The following NTRK2 variants were observed in gnomAD, a reference collection of about 807,000 sequenced individuals.
NTRK2 encodes neurotrophic receptor tyrosine kinase 2.
In NTRK2, 13 loss-of-function variants were observed where a neutral mutation model predicts 94.5. That is an observed-to-expected ratio of 0.14 (90% CI 0.09 to 0.22). The LOEUF (loss-of-function observed/expected upper bound fraction) is 0.22. NTRK2 is among the 10% of genes least tolerant of loss of function. NTRK2 has a pLI of 1.00. For synonymous variants in NTRK2, 372 were observed against 407.4 expected (o/e 0.91, Z 1.05); for missense variants, 639 against 1,071.2 (o/e 0.60, Z 5.63).
chr9:84,774,556 A>T (rs1248025114), intron 12 of NTRK2, among the ~76,000 whole-genome samples: 2 of 152,192 alleles, frequency 1.3e-5, no homozygotes, highest in African/African-American at 4.8e-5. Context: ...GCTCATTTCC[A>T]GAATCCAAAA....
At chr9:84,860,977 T>C in intron 12 of NTRK2, 63 bp from the exon 13 acceptor site, 2 of 1,310,286 alleles carry the variant, frequency 1.5e-6, no homozygotes, top group Non-Finnish European at 2.2e-6. Flanking sequence ...AAGGACAGTG[T>C]TGACCACCTC....
chr9:84,996,723 G>T (rs2133366627), intron 17 of NTRK2, among the ~76,000 whole-genome samples: 1 of 152,302 alleles, frequency 6.6e-6, no homozygotes, highest in African/African-American at 2.4e-5. Context: ...TGCCAAGTCT[G>T]CCATCTATAT....
chr9:84,919,888 T>C (rs2077509247), intron 14 of NTRK2, among the ~76,000 whole-genome samples: 2 of 152,170 alleles, frequency 1.3e-5, no homozygotes. Context: ...TTATTCCCAC[T>C]TTGCACCTAG....
At chr9:84,979,965 A>T in intron 17 of NTRK2, among the ~76,000 whole-genome samples, 2 of 152,292 alleles carry the variant, frequency 1.3e-5, no homozygotes, top group Non-Finnish European at 2.9e-5. Flanking sequence ...GCTATTGCAT[A>T]CATAATAAAC....
chr9:84,860,761 T>G (rs1177842556), intron 12 of NTRK2, among the ~76,000 whole-genome samples: 1 of 152,166 alleles, frequency 6.6e-6, no homozygotes, highest in African/African-American at 2.4e-5. Flanking sequence ...GCTATTTTTC[T>G]CATAGACAGG....
intron 14 of NTRK2, among the ~76,000 whole-genome samples, chr9:84,868,847 T>A (rs920140231): frequency 2.0e-5 from 3 of 152,066 alleles, no homozygotes; most frequent in Non-Finnish European, 2.9e-5. Context: ...AGGAATAGAG[T>A]ACTTTGACAT....
At chr9:84,999,594 G>A (rs1352192909) in intron 17 of NTRK2, among the ~76,000 whole-genome samples, 1 of 152,170 alleles carries the variant, frequency 6.6e-6, no homozygotes, top group African/African-American at 2.4e-5. Context: ...ACTAGAAAAA[G>A]TCTGAGTTTT....
chr9:84,685,648 A>C (rs1473113717), intron 2 of NTRK2, among the ~76,000 whole-genome samples: 1 of 151,868 alleles, frequency 6.6e-6, no homozygotes. Flanking sequence ...TGATACAGCC[A>C]CTCTGAGTTT....
chr9:84,927,845 C>G (rs985546354), intron 14 of NTRK2, among the ~76,000 whole-genome samples: 1 of 152,120 alleles, frequency 6.6e-6, no homozygotes, highest in Non-Finnish European at 1.5e-5. Context: ...CCTGTTGCCT[C>G]CCTATTTCCT....
At chr9:84,855,031 G>A (rs1260149436) in intron 12 of NTRK2, among the ~76,000 whole-genome samples, 8 of 150,206 alleles carry the variant, frequency 5.3e-5, no homozygotes, top group Non-Finnish European at 7.4e-5. Flanking sequence ...AGCAGGAATA[G>A]GAAAGAGAAC....
rs76195768 is a variant in NTRK2 at position 84,938,152 on chromosome 9, A to T, written c.1764+3860A>T. ...AGGAAGAAGACTTGGCAAGATAAAA[A>T]ATGGTAAAATTTGACTTCAGCAAGC... On this transcript the variant is annotated intron_variant, in intron 15 of 18. Transcript: ENST00000277120. 8.6e-3 allele frequency among the ~76,000 whole-genome samples: 1,306 copies of T among 152,334 alleles called. 12 individuals carry two copies. The highest frequency in any genetic ancestry group is 0.03 in the African/African-American group (1,246 of 41,568).
At chr9:84,907,003 A>C (rs1287471633) in intron 14 of NTRK2, among the ~76,000 whole-genome samples, 1 of 152,218 alleles carries the variant, frequency 6.6e-6, no homozygotes, top group Non-Finnish European at 1.5e-5. Context: ...AGAATCTACT[A>C]TGCTGTTGGG....
At chr9:84,984,740 A>C (rs192254251) in intron 17 of NTRK2, among the ~76,000 whole-genome samples, 2 of 152,222 alleles carry the variant, frequency 1.3e-5, no homozygotes, top group African/African-American at 4.8e-5. Flanking sequence ...TTGTGTATAA[A>C]CTAGAAAGAC....
chr9:84,938,889 A>G (rs989955996), intron 15 of NTRK2, among the ~76,000 whole-genome samples: 6 of 151,928 alleles, frequency 3.9e-5, no homozygotes, highest in Non-Finnish European at 7.4e-5. Context: ...CATGTCTACA[A>G]AAAATACAAA....
intron 12 of NTRK2, among the ~76,000 whole-genome samples, chr9:84,766,372 T>TTTGTTG (rs200006182): frequency 6.6e-6 from 1 of 151,958 alleles, no homozygotes; most frequent in East Asian, 1.9e-4. Context: ...ATTTAGGAGT[T>TTTGTTG]TTGTTGTTGT....
At chr9:84,839,044 T>C (rs2074030628) in intron 12 of NTRK2, among the ~76,000 whole-genome samples, 1 of 152,200 alleles carries the variant, frequency 6.6e-6, no homozygotes, top group Admixed American at 6.5e-5. Context: ...TCACTTTCTT[T>C]ATGACTATAG....
At chr9:84,872,249 G>C in intron 14 of NTRK2, 2 of 1,125,182 alleles carry the variant, frequency 1.8e-6, no homozygotes, top group Non-Finnish European at 2.2e-6. Context: ...CTTGACTGCT[G>C]AGAAACTTTT....
chr9:84,784,917 TAGTG>T (rs2067974019), intron 12 of NTRK2, among the ~76,000 whole-genome samples: 1 of 152,166 alleles, frequency 6.6e-6, no homozygotes, highest in South Asian at 2.1e-4. Context: ...TTTATATCCT[TAGTG>T]AGTGTTTTTT....
chr9:85,015,393 G>A (rs1389302851), intron 17 of NTRK2, among the ~76,000 whole-genome samples: 1 of 152,168 alleles, frequency 6.6e-6, no homozygotes, highest in Admixed American at 6.5e-5. Context: ...AAACAGATGA[G>A]ACTGTTTCCA....
Sources: allele counts gnomAD v4.1 joint callset (sites outside exome capture counted in the v4.1 genomes callset), GRCh38; gene constraint gnomAD v4.1.1; transcripts MANE v1.5; gene names NCBI Gene and HGNC (gene_info 2026-07-23, HGNC 2026-07-21).